The following METTL8 variants were observed in gnomAD, a reference collection of about 807,000 sequenced individuals.
The protein encoded by METTL8 is tRNA N(3)-cytidine methyltransferase METTL8, mitochondrial.
METTL8 carries 32 observed loss-of-function variants against 48.7 expected under a neutral mutation model. The ratio of observed to expected loss-of-function variants is 0.66; its 90% confidence interval spans 0.50 to 0.88. The LOEUF (loss-of-function observed/expected upper bound fraction) is 0.88, where lower values mean the gene tolerates loss of function less well. Among genes scored for constraint, METTL8 ranks in the 40% least tolerant of loss-of-function variants. The pLI, the probability that METTL8 is intolerant of heterozygous loss-of-function variation, is 0.00. For missense variants in METTL8, 464 were observed against 474.4 expected (o/e 0.98, Z 0.20); for synonymous variants, 136 against 157.1 (o/e 0.87, Z 1.01).
intron 1 of METTL8, among the ~76,000 whole-genome samples, chr2:171,411,950 A>T (rs1690795052): frequency 6.6e-6 from 1 of 152,226 alleles, no homozygotes; most frequent in Non-Finnish European, 1.5e-5. Flanking sequence ...CCTCAGCAGG[A>T]AATGTGCTAA....
At chr2:171,417,809 G>C (rs940301313) in intron 1 of METTL8, among the ~76,000 whole-genome samples, 4 of 151,930 alleles carry the variant, frequency 2.6e-5, no homozygotes, top group Non-Finnish European at 5.9e-5. Context: ...ACATTATTAT[G>C]GTATATTTAT....
rs75043209 is a variant in METTL8, at chr2:171,417,070, A to G, written c.-13+16813T>C. Among the ~76,000 whole-genome samples, 449 of 152,370 alleles carry G rather than the reference A, an allele frequency of 2.9e-3. 4 individuals are homozygous for G. The highest frequency in any genetic ancestry group is 0.01 in the African/African-American group (430 of 41,588). Reference sequence around the variant, plus strand: ...AACATCAGCTTAACAAGGGAAGTGGATATCTTAGTAAGAAATCTACTGAAA... The same window carrying G: ...AACATCAGCTTAACAAGGGAAGTGGGTATCTTAGTAAGAAATCTACTGAAA... On this transcript the variant is annotated intron_variant, in intron 1 of 9. Coordinates refer to ENST00000375258, the MANE Select transcript of METTL8 (RefSeq NM_001321154.2).
At chr2:171,417,154 G>C (rs1691395540) in intron 1 of METTL8, among the ~76,000 whole-genome samples, 1 of 152,166 alleles carries the variant, frequency 6.6e-6, no homozygotes, top group Non-Finnish European at 1.5e-5. Flanking sequence ...ATAAAAAGTA[G>C]ATCCTGTCAG....
chr2:171,343,190 G>T (rs138295954), intron 3 of METTL8, among the ~76,000 whole-genome samples: 1 of 152,082 alleles, frequency 6.6e-6, no homozygotes, highest in Non-Finnish European at 1.5e-5. Context: ...CTACAATACC[G>T]GCACTTTGGG....
In METTL8 at chr2:171,359,199, G is replaced by T. The variant is rs139302361; in HGVS notation, c.235+1223C>A. Among the ~76,000 whole-genome samples, 277 of 145,010 alleles carry T rather than the reference G, an allele frequency of 1.9e-3. 6 individuals carry two copies. The East Asian group carries it at 0.028, about 14-fold the overall frequency. On this transcript the variant is annotated intron_variant, in intron 3 of 9. Transcript: ENST00000375258. The stretch of plus-strand genomic sequence containing the variant: ...AAAAAAAAAAAAAAAAATGGCAAAA[G>T]ATCTGAATAGATATTTCTCAAAAGA...
intron 1 of METTL8, among the ~76,000 whole-genome samples, chr2:171,428,683 AT>A (rs1247398956): frequency 6.6e-6 from 1 of 152,198 alleles, no homozygotes; most frequent in Non-Finnish European, 1.5e-5. Flanking sequence ...CAATTCTAGT[AT>A]AGTGCCACAA....
In METTL8 at chr2:171,433,617, CA is replaced by C. The variant is rs376365737; in HGVS notation, c.-13+265del. Among the ~76,000 whole-genome samples, 241 of 152,140 alleles carry C rather than the reference CA, an allele frequency of 1.6e-3. 5 individuals are homozygous for C. In the South Asian group the frequency reaches 0.016, roughly 10 times the overall value. On this transcript the variant is annotated intron_variant, in intron 1 of 9. Coordinates refer to ENST00000375258, the MANE Select transcript of METTL8 (RefSeq NM_001321154.2). The stretch of plus-strand genomic sequence containing the variant: ...TCGACGAGGAATATCTTAGGCCGTC[CA>C]ATAAGAATGTAAGCATTTCATATTT...
intron 3 of METTL8, among the ~76,000 whole-genome samples, chr2:171,359,308 G>GAT (rs1227939434): frequency 2.6e-5 from 4 of 151,956 alleles, no homozygotes; most frequent in Non-Finnish European, 5.9e-5. Flanking sequence ...ACCACAATGA[G>GAT]ATATCATCTC....
intron 2 of METTL8, among the ~76,000 whole-genome samples, chr2:171,377,427 A>C (rs1334761211): frequency 6.6e-6 from 1 of 152,250 alleles, no homozygotes; most frequent in Non-Finnish European, 1.5e-5. Flanking sequence ...AAGCAAAAGA[A>C]ATAATCAGCA....
intron 2 of METTL8, among the ~76,000 whole-genome samples, chr2:171,366,545 T>A (rs1436740055): frequency 6.6e-6 from 1 of 152,146 alleles, no homozygotes; most frequent in African/African-American, 2.4e-5. Flanking sequence ...ATATAGACTT[T>A]GAGAAAACCA....
At chr2:171,369,678 A>G (rs950767073) in intron 2 of METTL8, among the ~76,000 whole-genome samples, 7 of 152,252 alleles carry the variant, frequency 4.6e-5, no homozygotes, top group African/African-American at 1.7e-4. Flanking sequence ...CTGAGACCAA[A>G]ATGTTTGAAA....
intron 1 of METTL8, among the ~76,000 whole-genome samples, chr2:171,398,548 A>G (rs900990651): frequency 3.3e-5 from 5 of 152,120 alleles, no homozygotes; most frequent in Non-Finnish European, 5.9e-5. Flanking sequence ...GGGAGGGGCG[A>G]GAGGAAACGG....
intron 1 of METTL8, among the ~76,000 whole-genome samples, chr2:171,426,795 A>C (rs1359384620): frequency 2.0e-5 from 3 of 152,194 alleles, no homozygotes; most frequent in African/African-American, 7.2e-5. Context: ...GGACTACTAC[A>C]ATCACCTGCT....
At chr2:171,379,306 A>G (rs1687279500) in intron 2 of METTL8, among the ~76,000 whole-genome samples, 1 of 152,208 alleles carries the variant, frequency 6.6e-6, no homozygotes, top group African/African-American at 2.4e-5. Flanking sequence ...TTGGAAAGCT[A>G]GAAAGATTTC....
At chr2:171,363,796 A>ATATATATATG (rs1553516534) in intron 2 of METTL8, among the ~76,000 whole-genome samples, 5 of 117,406 alleles carry the variant, frequency 4.3e-5, no homozygotes, top group Admixed American at 8.5e-5. Context: ...CAAATTTTAT[A>ATATATATATG]TATATATATA....
At position 171,339,442 on chromosome 2, in the gene METTL8, T is replaced by C. The variant is rs1215309430; in HGVS notation, c.348A>G (p.Pro116=). The change falls in exon 4 of 10, where the codon CCA becomes CCG. Residue 116 remains proline (P), a synonymous_variant. Transcript: ENST00000375258. ...WLLREFPEIL[P]VDQKPEEKAR... Reference sequence around the variant, plus strand: ...CCTTCTCTTCAGGTTTTTGATCAACTGGAAGAATTTCAGGAAATTCCCTCA... The same window carrying C: ...CCTTCTCTTCAGGTTTTTGATCAACCGGAAGAATTTCAGGAAATTCCCTCA... 1 of 1,613,672 alleles carries C rather than the reference T, an allele frequency of 6.2e-7. No homozygotes were observed. Among genetic ancestry groups the C allele is most frequent in the South Asian group, 1.1e-5 (1 of 91,016 alleles).
chr2:171,357,489 C>G (rs767151596), intron 3 of METTL8, among the ~76,000 whole-genome samples: 1 of 151,918 alleles, frequency 6.6e-6, no homozygotes, highest in Non-Finnish European at 1.5e-5. Context: ...TGTGAAAAAT[C>G]TATACAGGAA....
At chr2:171,331,379 G>A (rs1439502032) in intron 6 of METTL8, among the ~76,000 whole-genome samples, 1 of 150,078 alleles carries the variant, frequency 6.7e-6, no homozygotes, top group East Asian at 1.9e-4. Flanking sequence ...AAAGTGCTGG[G>A]ATTACAGGCG....
intron 3 of METTL8, 99 bp downstream of exon 3, chr2:171,360,323 G>T: frequency 3.4e-6 from 3 of 877,018 alleles, no homozygotes; most frequent in Non-Finnish European, 3.5e-6. Flanking sequence ...AAGTGGACTG[G>T]CATCAGGAGA....
Sources: allele counts gnomAD v4.1 joint callset (sites outside exome capture counted in the v4.1 genomes callset), GRCh38; gene constraint gnomAD v4.1.1; transcripts MANE v1.5; gene names NCBI Gene and HGNC (gene_info 2026-07-23, HGNC 2026-07-21).